GPR137: variants seen among roughly 807,000 people sequenced by gnomAD.
GPR137 encodes the protein integral membrane protein GPR137.
GPR137 carries 20 observed loss-of-function variants against 38.9 expected under a neutral mutation model. The ratio of observed to expected loss-of-function variants is 0.51; its 90% CI spans 0.36 to 0.75. The LOEUF is 0.75. Ranked by LOEUF, GPR137 falls within the 30% of genes least tolerant of loss-of-function variation. The pLI, the probability that GPR137 is intolerant of heterozygous loss-of-function variation, is 0.00. For missense variants in GPR137, 456 were observed against 526.4 expected (o/e 0.87, Z 1.31); for synonymous variants, 226 against 235.8 (o/e 0.96, Z 0.38).
In GPR137 at chr11:64,286,789, C is replaced by G; in HGVS notation, c.265C>G (p.Arg89Gly). ...CTTCCGAGATACTCCCCGCGCCAAC[C>G]GCCTGGGGCCCTTGCCCTTCTGGCT... ...FYFRDTPRAN[R>G]LGPLPFWLLY... Residue 89 changes from arginine (R) to glycine (G), a missense_variant, in exon 1 of 7, where the codon CGC becomes GGC. By Grantham distance (125) the Arg-to-Gly change is moderately radical. Transcript: ENST00000438980. 2 of 1,607,328 alleles carry G rather than the reference C, an allele frequency of 1.2e-6. No homozygotes were observed. The highest frequency in any genetic ancestry group is 1.3e-5 in the African/African-American group (1 of 74,832).
At chr11:64,284,624 G>A (rs1037263072), upstream of GPR137, 18 of 1,521,920 alleles carry the variant, frequency 1.2e-5, no homozygotes, top group East Asian at 9.8e-5. Flanking sequence ...CGGCGCACAG[G>A]TCTCACCCCA....
rs958336527 is a variant in GPR137, at chr11:64,288,825, C to G, written c.1031+104C>G. On this transcript the variant is annotated intron_variant, in intron 6 of 6. Coordinates refer to ENST00000438980, the MANE Select transcript of GPR137 (RefSeq NM_001170880.2). The surrounding 1 kb of genome is among the most constrained non-coding windows in gnomAD (Gnocchi z 5.5). Reference sequence around the variant, plus strand: ...GATAGCCGGGTCTTGCCTTCCACCCCTGCCATGGCCTTTGCTTCCCCATCT... The same window carrying G: ...GATAGCCGGGTCTTGCCTTCCACCCGTGCCATGGCCTTTGCTTCCCCATCT... 2 of 1,448,340 alleles carry G rather than the reference C, an allele frequency of 1.4e-6. No homozygotes were observed. The highest frequency in any genetic ancestry group is 2.9e-5 in the African/African-American group (2 of 70,070). 89.7% of individuals were successfully genotyped at this position (1,448,340 alleles called of 1,614,324 possible).
upstream of GPR137, among the ~76,000 whole-genome samples, chr11:64,282,521 G>C (rs2033545865): frequency 6.6e-6 from 1 of 150,880 alleles, no homozygotes; most frequent in African/African-American, 2.4e-5. Flanking sequence ...GATCGTTTGA[G>C]CCCAGGAGTT....
Position 64,288,805 on chromosome 11 carries a change from C to G in GPR137, c.1031+84C>G. 5 of 1,449,114 alleles carry G rather than the reference C, an allele frequency of 3.5e-6. No individual in the cohort carries two copies. Among genetic ancestry groups the G allele is most frequent in the Non-Finnish European group, 4.5e-6 (5 of 1,104,456 alleles). 89.8% of individuals were successfully genotyped at this position (1,449,114 alleles called of 1,614,324 possible). A position where few individuals can be genotyped will look rare whatever the true frequency, so the allele number is the denominator to read the frequency against. On this transcript the variant is annotated intron_variant, in intron 6 of 6. Transcript: ENST00000438980. The surrounding 1 kb of genome is among the most constrained non-coding windows in gnomAD (Gnocchi z 5.5). ...ATCAAGCTATGGGGGACCGAGATAGCCGGGTCTTGCCTTCCACCCCTGCCA... is the reference window on the plus strand; with the variant it reads ...ATCAAGCTATGGGGGACCGAGATAGGCGGGTCTTGCCTTCCACCCCTGCCA...
chr11:64,289,066 G>A lies in GPR137; in HGVS notation c.1061G>A (p.Trp354Ter). 6.2e-7 allele frequency: 1 copy of A among 1,603,378 alleles called. No individual in the cohort carries two copies. The highest frequency in any genetic ancestry group is 8.5e-7 in the Non-Finnish European group (1 of 1,177,114). Residue 354 changes from tryptophan to a stop codon, truncating the protein, a stop_gained, in exon 7 of 7, where the codon TGG becomes TAG. Transcript: ENST00000438980. LOFTEE classifies it high-confidence loss of function. ...TCGGGCAGTCTAGGCTCTGGGAGCT[G>A]GTATGGTGCCATCGGGCGTGAGCCG... ...SMSGSLGSGS[W>*]YGAIGREPGW...
upstream of GPR137, among the ~76,000 whole-genome samples, chr11:64,274,131 G>C (rs1309138529): frequency 6.6e-6 from 1 of 152,210 alleles, no homozygotes; most frequent in Non-Finnish European, 1.5e-5. Context: ...GGTGGCTTAC[G>C]CCTTTAATCC....
upstream of GPR137, chr11:64,285,766 CGCTGGACTGCGGA>C (rs2033915261): frequency 4.1e-6 from 4 of 985,300 alleles, no homozygotes; most frequent in Middle Eastern, 5.2e-4. Context: ...CCGGGTGCGG[CGCTGGACTGCGGA>C]GCCAGCCGGG....
intron 2 of GPR137, 101 bp downstream of exon 2, chr11:64,287,115 C>A: frequency 6.6e-7 from 1 of 1,517,222 alleles, no homozygotes; most frequent in Non-Finnish European, 8.9e-7. Flanking sequence ...ACAAAGGCAA[C>A]CCAGGGAATG....
intron 2 of GPR137, among the ~76,000 whole-genome samples, chr11:64,278,470 C>T (rs566033666): frequency 3.4e-4 from 52 of 151,850 alleles, no homozygotes; most frequent in African/African-American, 1.2e-3. Context: ...CCCTCCTCTG[C>T]GCCAGGCACT....
upstream of GPR137, among the ~76,000 whole-genome samples, chr11:64,274,058 G>A (rs1478492978): frequency 6.6e-6 from 1 of 152,134 alleles, no homozygotes; most frequent in Non-Finnish European, 1.5e-5. Flanking sequence ...GGGCCTCCAG[G>A]GGTCCCAGCT....
upstream of GPR137, chr11:64,285,616 G>T: frequency 2.0e-6 from 2 of 985,146 alleles, no homozygotes; most frequent in Non-Finnish European, 2.4e-6. Flanking sequence ...AAGTAAAGGC[G>T]GGCGGCACGG....
At chr11:64,285,223 G>A (rs2033814774), upstream of GPR137, 2 of 987,922 alleles carry the variant, frequency 2.0e-6, no homozygotes, top group Non-Finnish European at 1.2e-6. Flanking sequence ...CCCGCCTCGG[G>A]GGACACCTCC....
upstream of GPR137, chr11:64,284,726 A>C: frequency 6.5e-6 from 10 of 1,535,748 alleles, no homozygotes; most frequent in Non-Finnish European, 8.7e-6. Context: ...GGGAACTGTC[A>C]GCGACCTGGC....
chr11:64,277,454 C>T (rs1192275422), intron 2 of GPR137, among the ~76,000 whole-genome samples: 2 of 152,150 alleles, frequency 1.3e-5, no homozygotes, highest in Non-Finnish European at 2.9e-5. Flanking sequence ...TTTTAAAAAA[C>T]AGCGACAGGG....
upstream of GPR137, among the ~76,000 whole-genome samples, chr11:64,273,855 C>CAAAAAAAA (rs34577596): frequency 1.8e-5 from 1 of 54,818 alleles, no homozygotes. Flanking sequence ...GCACCCATCT[C>CAAAAAAAA]AAAAAAAAAA....
chr11:64,279,470 A>C (rs147303868), upstream of GPR137, among the ~76,000 whole-genome samples: 316 of 152,326 alleles, frequency 2.1e-3, 4 homozygotes, highest in Middle Eastern at 0.037. Context: ...CAGATGCTTA[A>C]AAGCCACCTC....
At chr11:64,280,445 G>A (rs1157137726), upstream of GPR137, among the ~76,000 whole-genome samples, 20 of 146,586 alleles carry the variant, frequency 1.4e-4, no homozygotes, top group South Asian at 1.5e-3. Context: ...TCTGCCTCCC[G>A]GGTTCATGCC....
upstream of GPR137, among the ~76,000 whole-genome samples, chr11:64,282,541 C>A (rs558850521): frequency 6.7e-6 from 1 of 149,548 alleles, no homozygotes; most frequent in Admixed American, 6.7e-5. Flanking sequence ...TTGAGGCCTG[C>A]CTGGGCAACA....
At chr11:64,276,918 T>G in intron 2 of GPR137, 1 of 761,908 alleles carries the variant, frequency 1.3e-6, no homozygotes, top group Non-Finnish European at 2.4e-6. Context: ...AGCTTTACAT[T>G]CTCTGCGTGT....
Sources: gnomAD v4.1 joint callset for allele counts (sites outside exome capture counted in the v4.1 genomes callset) on GRCh38, gnomAD v4.1.1 for gene constraint, Gnocchi (gnomAD v3.1) non-coding constraint, MANE v1.5 for transcripts, NCBI Gene and HGNC (gene_info 2026-07-23, HGNC 2026-07-21) for gene names.